STK11: variants seen among roughly 807,000 people sequenced by gnomAD.
The protein encoded by STK11 is serine/threonine-protein kinase STK11.
A neutral mutation model predicts 47.3 loss-of-function variants in STK11; 8 were observed. The ratio of observed to expected loss-of-function variants is 0.17; its 90% confidence interval spans 0.10 to 0.31. The LOEUF (loss-of-function observed/expected upper bound fraction) is 0.31, where lower values mean the gene tolerates loss of function less well. STK11 is among the 10% of genes least tolerant of loss of function. STK11 has a pLI of 1.00. For synonymous variants in STK11, 330 were observed against 255.8 expected, an observed-to-expected ratio of 1.29 and a Z score of -2.77; for missense variants, 475 against 605.0, an observed-to-expected ratio of 0.79 and a Z score of 2.25.
rs528945178 is a variant in STK11 at position 1,222,054 on chromosome 19, C to G, written c.920+48C>G. 10 of 1,546,290 alleles carry G rather than the reference C, an allele frequency of 6.5e-6. No individual in the cohort carries two copies. In the African/African-American group the frequency reaches 1.4e-4, roughly 21 times the overall value. ...GGGGCCGAGGCTGCAGGGAGGCCGG[C>G]CATGTGGGCAGCTGGTTGAGCGGGC... On this transcript the variant is annotated intron_variant, in intron 7 of 9. Coordinates refer to ENST00000326873, the MANE Select transcript of STK11 (RefSeq NM_000455.5).
chr19:1,218,264 C>T (rs1158227887), intron 1 of STK11, among the ~76,000 whole-genome samples, 153 bp from the exon 2 acceptor site: 2 of 152,196 alleles, frequency 1.3e-5, no homozygotes, highest in South Asian at 2.1e-4. Context: ...CCCTGCAGGG[C>T]CCTTTCCCAC....
chr19:1,224,744 A>G, intron 8 of STK11: 13 of 985,896 alleles, frequency 1.3e-5, no homozygotes, highest in Non-Finnish European at 1.6e-5. Flanking sequence ...GACCCTGCTA[A>G]GCCCACTGTG....
intron 2 of STK11, among the ~76,000 whole-genome samples, chr19:1,218,740 T>A (rs748692191): frequency 6.6e-6 from 1 of 152,174 alleles, no homozygotes; most frequent in Admixed American, 6.5e-5. Flanking sequence ...GTCCCTTTTT[T>A]CTCAGAGTCT....
intron 8 of STK11, chr19:1,225,969 G>A (rs1412414091): frequency 1.5e-5 from 15 of 993,062 alleles, no homozygotes; most frequent in African/African-American, 1.7e-5. Context: ...GGCAGGCTGA[G>A]CTCTGCTCCC....
At chr19:1,225,600 G>C in intron 8 of STK11, 1 of 985,492 alleles carries the variant, frequency 1.0e-6, no homozygotes. Flanking sequence ...GTGACTTCCT[G>C]TGCACATGGG....
intron 3 of STK11, chr19:1,220,105 G>A: frequency 2.2e-6 from 1 of 458,374 alleles, no homozygotes; most frequent in Non-Finnish European, 3.9e-6. Flanking sequence ...AAGACTTTGG[G>A]GTGCAGCCGG....
Position 1,227,914 on chromosome 19 carries a change from G to A in STK11, c.*338G>A, listed in dbSNP as rs1599934269. On this transcript the variant is annotated 3_prime_UTR_variant, in exon 10 of 10. Transcript: ENST00000326873. ...CGCCCGTGGCCTCGTGCTCCGCAGGGCGCCCAGCGCCGTCCGGCGGCCCCG... is the reference window on the plus strand; with the variant it reads ...CGCCCGTGGCCTCGTGCTCCGCAGGACGCCCAGCGCCGTCCGGCGGCCCCG... 3.7e-6 allele frequency: 4 copies of A among 1,070,116 alleles called. No homozygotes were observed. Among genetic ancestry groups the A allele is most frequent in the Admixed American group, 1.1e-4 (2 of 18,796 alleles). The allele number at this position is 1,070,116 out of a possible 1,614,324, so 66.3% of individuals were successfully genotyped here. A position where few individuals can be genotyped will look rare whatever the true frequency, so the allele number is the denominator to read the frequency against.
At chr19:1,215,598 C>T (rs918315757) in intron 1 of STK11, among the ~76,000 whole-genome samples, 1 of 152,234 alleles carries the variant, frequency 6.6e-6, no homozygotes, top group Admixed American at 6.5e-5. Flanking sequence ...CAGGCCTTGG[C>T]CTTCTGAGGT....
intron 8 of STK11, chr19:1,224,443 C>G: frequency 1.0e-6 from 1 of 985,438 alleles, no homozygotes. Context: ...CAATTTGACC[C>G]CAGGCCCAGG....
chr19:1,225,051 C>G, intron 8 of STK11: 1 of 985,792 alleles, frequency 1.0e-6, no homozygotes, highest in Non-Finnish European at 1.2e-6. Context: ...ACCCAGGATG[C>G]GGGTCCTGCT....
rs863224669 is a variant in STK11, at chr19:1,219,421, C to T, written c.464+8C>T. 18 of 1,508,680 alleles carry T rather than the reference C, an allele frequency of 1.2e-5. No homozygotes were observed. Among genetic ancestry groups the T allele is most frequent in the Admixed American group, 3.8e-5 (2 of 52,518 alleles). The allele number at this position is 1,508,680 out of a possible 1,614,324, so 93.5% of individuals were successfully genotyped here. A position where few individuals can be genotyped will look rare whatever the true frequency, so the allele number is the denominator to read the frequency against. ...AGTGTGCCAGGCCCACGGGTGCGTG[C>T]GCGGGGCAGGGGCCAGGGTGGGGCG... On this transcript the variant is annotated splice_region_variant and intron_variant, in intron 3 of 9. Transcript: ENST00000326873.
rs766958608 is a variant in STK11, at chr19:1,223,008, C to T, written c.944C>T (p.Pro315Leu). Residue 315 changes from proline (P) to leucine (L), a missense_variant, in exon 8 of 10, where the codon CCG (proline) becomes CTG (leucine). Pro to Leu is a moderately conservative substitution (Grantham distance 98). Transcript: ENST00000326873. ...AGCTGGTTCCGGAAGAAACATCCTC[C>T]GGCTGAAGCACCAGTGCCCATCCCA... ...QHSWFRKKHP[P>L]AEAPVPIPPS... is the part of the protein sequence containing the mutation. 3.6e-5 allele frequency: 56 copies of T among 1,569,374 alleles called. No individual in the cohort carries two copies. The highest frequency in any genetic ancestry group is 4.1e-5 in the African/African-American group (3 of 73,898).
intron 5 of STK11, 111 bp downstream of exon 5, chr19:1,220,828 T>G (rs986595786): frequency 2.1e-6 from 3 of 1,459,380 alleles, no homozygotes; most frequent in Middle Eastern, 5.2e-4. Flanking sequence ...GCCCAGACCC[T>G]CTCTGGCCAC....
At chr19:1,208,834 G>C (rs2080689112) in intron 1 of STK11, among the ~76,000 whole-genome samples, 1 of 148,314 alleles carries the variant, frequency 6.7e-6, no homozygotes. Context: ...TCTTGGCCAG[G>C]TTGGTCTTGA....
intron 3 of STK11, 23 bp downstream of exon 3, chr19:1,219,436 A>C: frequency 1.0e-5 from 7 of 686,766 alleles, no homozygotes; most frequent in African/African-American, 2.0e-5. Flanking sequence ...GGCAGGGGCC[A>C]GGGTGGGGCG....
intron 2 of STK11, 25 bp downstream of exon 2, chr19:1,218,525 CG>C: frequency 1.2e-6 from 2 of 1,603,514 alleles, no homozygotes; most frequent in East Asian, 2.2e-5. Flanking sequence ...GTTGGGACCG[CG>C]GGGCCTCCGT....
intron 1 of STK11, among the ~76,000 whole-genome samples, chr19:1,211,805 T>A (rs1342411065): frequency 1.3e-5 from 2 of 152,262 alleles, no homozygotes; most frequent in Non-Finnish European, 2.9e-5. Context: ...GCACTCAGTG[T>A]GCCTGGTTGC....
rs751949296 is a variant in STK11, at chr19:1,207,060, C to T, written c.147C>T (p.Tyr49=). 1.9e-6 allele frequency: 3 copies of T among 1,613,868 alleles called. No individual in the cohort carries two copies. Among genetic ancestry groups the T allele is most frequent in the Non-Finnish European group, 2.5e-6 (3 of 1,179,878 alleles). Residue 49 remains tyrosine, a synonymous_variant, in exon 1 of 10, where the codon TAC becomes TAT. Transcript: ENST00000326873. ...RRKRAKLIGK[Y]LMGDLLGEGS... ...AGCGGGCCAAGCTCATCGGCAAGTA[C>T]CTGATGGGGGACCTGCTGGGGGAAG...
chr19:1,207,084 A>G lies in STK11; in HGVS notation c.171A>G (p.Glu57=), dbSNP rs1060503785. 6.2e-7 allele frequency: 1 copy of G among 1,613,948 alleles called. No individual in the cohort carries two copies. Among genetic ancestry groups the G allele is most frequent in the South Asian group, 1.1e-5 (1 of 91,078 alleles). ...GKYLMGDLLG[E]GSYGKVKEVL... is the part of the protein sequence containing the mutation. ...ACCTGATGGGGGACCTGCTGGGGGA[A>G]GGCTCTTACGGCAAGGTGAAGGAGG... The change falls in exon 1 of 10, where the codon GAA becomes GAG. Residue 57 remains glutamate, a synonymous_variant. Coordinates refer to ENST00000326873, the MANE Select transcript of STK11 (RefSeq NM_000455.5).
Sources: gnomAD v4.1 joint callset for allele counts (sites outside exome capture counted in the v4.1 genomes callset) on GRCh38, gnomAD v4.1.1 for gene constraint, MANE v1.5 for transcripts, NCBI Gene and HGNC (gene_info 2026-07-23, HGNC 2026-07-21) for gene names.